Variants in NMNAT3 observed in about 807,000 individuals in gnomAD.
The protein encoded by NMNAT3 is nicotinamide/nicotinic acid mononucleotide adenylyltransferase 3.
In NMNAT3, 21 loss-of-function variants were observed where a neutral mutation model predicts 24.8. That is an observed-to-expected ratio of 0.85 (90% confidence interval 0.60 to 1.22). NMNAT3 has a LOEUF of 1.22. NMNAT3 is among the 50% of genes most tolerant of loss of function. The pLI is 0.00. For synonymous variants in NMNAT3, 136 were observed against 155.2 expected (o/e 0.88, Z 0.92); for missense variants, 387 against 436.6 (o/e 0.89, Z 1.01).
chr3:139,611,995 C>T (rs1227495730), intron 3 of NMNAT3, among the ~76,000 whole-genome samples: 3 of 152,102 alleles, frequency 2.0e-5, no homozygotes, highest in Non-Finnish European at 2.9e-5. Context: ...TGCAGAAACC[C>T]TGTCTCTACT....
At position 139,560,930 on chromosome 3, in the gene NMNAT3, C is replaced by A. The variant is rs576583815; in HGVS notation, c.*80G>T. On this transcript the variant is annotated 3_prime_UTR_variant, in exon 7 of 7. Transcript: ENST00000643695. ...AAATGAAAAATGGAGAAGCAAAAAC[C>A]AAAGTAAAACAGAAACCTTAACAGC... is the stretch of plus-strand genomic sequence containing the variant. 1.2e-5 allele frequency: 17 copies of A among 1,443,964 alleles called. No individual in the cohort carries two copies. In the East Asian group the frequency reaches 3.7e-4, roughly 31 times the overall value. 89.4% of individuals were successfully genotyped at this position (1,443,964 alleles called of 1,614,324 possible). A position where few individuals can be genotyped will look rare whatever the true frequency, so the allele number is the denominator to read the frequency against.
chr3:139,573,732 G>T, intron 5 of NMNAT3, 52 bp from the exon 6 acceptor site: 1 of 1,001,070 alleles, frequency 1.0e-6, no homozygotes, highest in Non-Finnish European at 1.5e-6. Flanking sequence ...AGCCCTCAAA[G>T]CCACCCAGGG....
intron 3 of NMNAT3, among the ~76,000 whole-genome samples, chr3:139,614,980 CT>C (rs2055417445): frequency 6.6e-6 from 1 of 152,146 alleles, no homozygotes; most frequent in South Asian, 2.1e-4. Context: ...GAGCCTTCCC[CT>C]TTTTTGCATT....
intron 3 of NMNAT3, among the ~76,000 whole-genome samples, chr3:139,609,391 A>C (rs1324559197): frequency 6.6e-6 from 1 of 152,188 alleles, no homozygotes; most frequent in African/African-American, 2.4e-5. Flanking sequence ...ATTCCTTCCA[A>C]AATTTGATGG....
chr3:139,619,629 T>C (rs1463550938), intron 3 of NMNAT3, among the ~76,000 whole-genome samples: 1 of 152,098 alleles, frequency 6.6e-6, no homozygotes, highest in Non-Finnish European at 1.5e-5. Context: ...TTCTACAAAG[T>C]AGAGTACAAG....
chr3:139,651,837 C>T (rs1361761896), intron 1 of NMNAT3, among the ~76,000 whole-genome samples: 3 of 152,192 alleles, frequency 2.0e-5, no homozygotes, highest in African/African-American at 4.8e-5. Context: ...ACTCAGTGCT[C>T]CTGCTCCAAC....
chr3:139,639,264 T>C (rs2056616091), intron 1 of NMNAT3, among the ~76,000 whole-genome samples: 1 of 152,208 alleles, frequency 6.6e-6, no homozygotes, highest in African/African-American at 2.4e-5. Flanking sequence ...GTGTGTGGAA[T>C]AATCAAATTG....
At chr3:139,650,357 A>AT (rs1257474720) in intron 1 of NMNAT3, among the ~76,000 whole-genome samples, 5 of 152,154 alleles carry the variant, frequency 3.3e-5, no homozygotes, top group African/African-American at 1.2e-4. Context: ...TGGGAGTTGG[A>AT]TTTTTCCTTA....
intron 1 of NMNAT3, among the ~76,000 whole-genome samples, chr3:139,655,703 T>C (rs1285011666): frequency 6.6e-6 from 1 of 152,274 alleles, no homozygotes; most frequent in East Asian, 1.9e-4. Context: ...CTGCATCTTT[T>C]GCCAATGGCA....
chr3:139,561,116 A>G lies in NMNAT3; in HGVS notation c.935T>C (p.Leu312Pro). 2 of 1,614,114 alleles carry G rather than the reference A, an allele frequency of 1.2e-6. No homozygotes were observed. Among genetic ancestry groups the G allele is most frequent in the Non-Finnish European group, 8.5e-7 (1 of 1,180,020 alleles). The change falls in exon 7 of 7, where the codon CTG becomes CCG. Residue 312 changes from leucine (L) to proline (P), a missense_variant. Transcript: ENST00000643695. ...GTACGTGATGACAGCATCGGGAATC[A>G]GGTACTTTACGCTCTGCCCTTGGCC...
At chr3:139,645,429 G>T (rs1388015714) in intron 1 of NMNAT3, among the ~76,000 whole-genome samples, 1 of 152,210 alleles carries the variant, frequency 6.6e-6, no homozygotes, top group Admixed American at 6.5e-5. Context: ...AGATGAGGAA[G>T]ATAGGCAGTT....
At chr3:139,583,313 T>G in intron 3 of NMNAT3, 1 of 1,356,692 alleles carries the variant, frequency 7.4e-7, no homozygotes, top group Non-Finnish European at 1.1e-6. Flanking sequence ...TTTAATGATG[T>G]CAATCTTCAA....
At chr3:139,621,934 T>C (rs2055794993) in intron 3 of NMNAT3, among the ~76,000 whole-genome samples, 2 of 152,248 alleles carry the variant, frequency 1.3e-5, no homozygotes, top group South Asian at 2.1e-4. Context: ...TGTGGCAGAA[T>C]AGTATTCCAT....
At chr3:139,636,190 A>C (rs1345345637) in intron 2 of NMNAT3, 1 of 152,252 alleles carries the variant, frequency 6.6e-6, no homozygotes, top group Non-Finnish European at 1.5e-5. Context: ...CTGCTATGCC[A>C]ATATTTAATG....
At chr3:139,595,728 TA>T (rs371734436) in intron 3 of NMNAT3, among the ~76,000 whole-genome samples, 12,266 of 152,154 alleles carry the variant, frequency 0.081, 1,080 homozygotes, top group East Asian at 0.37. Context: ...CCCTATTTAA[TA>T]AATGGTGCTG....
At chr3:139,629,127 T>A (rs912869684) in intron 2 of NMNAT3, among the ~76,000 whole-genome samples, 1 of 152,312 alleles carries the variant, frequency 6.6e-6, no homozygotes, top group East Asian at 1.9e-4. Context: ...TGAGATAAGG[T>A]TACCAAAGGC....
chr3:139,666,513 A>ATT (rs1482471723), intron 1 of NMNAT3, among the ~76,000 whole-genome samples: 1 of 152,220 alleles, frequency 6.6e-6, no homozygotes, highest in Non-Finnish European at 1.5e-5. Flanking sequence ...GTAACTTGTG[A>ATT]TATTTTGCTA....
At chr3:139,572,402 G>A (rs1023724995) in intron 6 of NMNAT3, among the ~76,000 whole-genome samples, 27 of 152,116 alleles carry the variant, frequency 1.8e-4, no homozygotes, top group Non-Finnish European at 2.9e-5. Context: ...TTATATAGGA[G>A]GTATTGTAAC....
At chr3:139,589,215 C>G (rs2054066843) in intron 3 of NMNAT3, among the ~76,000 whole-genome samples, 1 of 152,098 alleles carries the variant, frequency 6.6e-6, no homozygotes. Context: ...ATAGGAGGTA[C>G]ACAGTGAACT....
Sources: gnomAD v4.1 joint callset for allele counts (sites outside exome capture counted in the v4.1 genomes callset) on GRCh38, gnomAD v4.1.1 for gene constraint, MANE v1.5 for transcripts, NCBI Gene and HGNC (gene_info 2026-07-23, HGNC 2026-07-21) for gene names.